Variants in ELAVL2 observed in about 807,000 individuals in gnomAD.
The protein encoded by ELAVL2 is ELAV-like protein 2.
A neutral mutation model predicts 34.6 loss-of-function variants in ELAVL2; 4 were observed. That is an observed-to-expected ratio of 0.12 (90% CI 0.06 to 0.26). The LOEUF (loss-of-function observed/expected upper bound fraction) is 0.26, where lower values mean the gene tolerates loss of function less well. Ranked by LOEUF, ELAVL2 falls within the 10% of genes least tolerant of loss-of-function variation. The pLI, the probability that ELAVL2 is intolerant of heterozygous loss-of-function variation, is 1.00. For synonymous variants in ELAVL2, 193 were observed against 154.8 expected, an observed-to-expected ratio of 1.25 and a Z score of -1.83; for missense variants, 432 against 442.8, an observed-to-expected ratio of 0.98 and a Z score of 0.22.
At chr9:23,789,913 G>A (rs1223618514) in intron 1 of ELAVL2, among the ~76,000 whole-genome samples, 3 of 152,098 alleles carry the variant, frequency 2.0e-5, no homozygotes, top group African/African-American at 2.4e-5. Context: ...TTTCCTGAAT[G>A]TATACAGGTA....
At chr9:23,785,812 T>C (rs549986243) in intron 1 of ELAVL2, among the ~76,000 whole-genome samples, 3 of 152,218 alleles carry the variant, frequency 2.0e-5, no homozygotes, top group Non-Finnish European at 4.4e-5. Flanking sequence ...ATGGGAAAAG[T>C]AGTTGATCGG....
At chr9:23,765,730 C>G (rs1006126271) in intron 1 of ELAVL2, among the ~76,000 whole-genome samples, 1 of 152,142 alleles carries the variant, frequency 6.6e-6, no homozygotes, top group Non-Finnish European at 1.5e-5. Context: ...AGGCAGTAAA[C>G]CAGCATCTTT....
At chr9:23,794,356 G>GA (rs567973059) in intron 1 of ELAVL2, among the ~76,000 whole-genome samples, 371 of 152,266 alleles carry the variant, frequency 2.4e-3, no homozygotes, top group Non-Finnish European at 3.9e-3. Context: ...CTAAAGAGGG[G>GA]AAAAGAACCA....
chr9:23,758,183 G>A (rs2054029575), intron 2 of ELAVL2, among the ~76,000 whole-genome samples: 1 of 152,022 alleles, frequency 6.6e-6, no homozygotes, highest in South Asian at 2.1e-4. Flanking sequence ...TACGTACTGA[G>A]AAACTGCACA....
In ELAVL2 at chr9:23,786,802, A is replaced by AAAAAAAAAAAAAAAAAC. The variant is rs1554747169; in HGVS notation, c.-15-24554_-15-24553insGTTTTTTTTTTTTTTTT. On this transcript the variant is annotated intron_variant, in intron 1 of 6. Transcript: ENST00000397312. The stretch of plus-strand genomic sequence containing the variant: ...GTGGCAAAAAAAAAAAAAAAAAAAA[A>AAAAAAAAAAAAAAAAAC]AGAGAGAGAGAGAAAGGAAAGCCTT... Among the ~76,000 whole-genome samples, 347 of 127,276 alleles carry AAAAAAAAAAAAAAAAAC rather than the reference A, an allele frequency of 2.7e-3. 5 individuals carry two copies. Among genetic ancestry groups the AAAAAAAAAAAAAAAAAC allele is most frequent in the East Asian group, 6.5e-3 (27 of 4,140 alleles). 83.5% of individuals were successfully genotyped at this position (127,276 alleles called of 152,430 possible).
intron 1 of ELAVL2, chr9:23,821,483 G>A (rs1168150731): frequency 6.6e-6 from 1 of 152,170 alleles, no homozygotes; most frequent in Non-Finnish European, 1.5e-5. Context: ...TTCGGACTAG[G>A]GCGCACCACC....
the ELAVL2 span, among the ~76,000 whole-genome samples, chr9:23,838,856 A>T: frequency 6.6e-6 from 1 of 152,150 alleles, no homozygotes; most frequent in African/African-American, 2.4e-5. Flanking sequence ...ATTGAACAAA[A>T]ACTGGCTTCC....
intron 1 of ELAVL2, among the ~76,000 whole-genome samples, chr9:23,797,597 C>T (rs995957370): frequency 6.6e-6 from 1 of 152,070 alleles, no homozygotes; most frequent in Non-Finnish European, 1.5e-5. Context: ...ACCAGGTGTA[C>T]GATTTAGGTT....
intron 1 of ELAVL2, among the ~76,000 whole-genome samples, chr9:23,815,013 T>TA (rs1396347004): frequency 1.3e-5 from 2 of 152,102 alleles, no homozygotes; most frequent in African/African-American, 4.8e-5. Context: ...TCCAATAACT[T>TA]ACTTGACAGG....
the ELAVL2 span, among the ~76,000 whole-genome samples, chr9:23,837,417 C>A: frequency 3.6e-4 from 55 of 152,280 alleles, no homozygotes; most frequent in Non-Finnish European, 7.1e-4. Flanking sequence ...TCTGACTAAA[C>A]TTCATGATTC....
At chr9:23,718,928 C>T (rs572461314) in intron 3 of ELAVL2, among the ~76,000 whole-genome samples, 1 of 152,264 alleles carries the variant, frequency 6.6e-6, no homozygotes, top group Admixed American at 6.5e-5. Flanking sequence ...CCCCTAACAG[C>T]TTTAACAAAA....
rs185921403 is a variant in ELAVL2 at position 23,719,217 on chromosome 9, C to G, written c.333+11805G>C. ...TTTAATTACACTGAATGATTTGGTA[C>G]CAGGCCCTTTCCCTGGGTCTTGCTG... On this transcript the variant is annotated intron_variant, in intron 3 of 6. Coordinates refer to ENST00000397312, the MANE Select transcript of ELAVL2 (RefSeq NM_004432.5). 7.1e-4 allele frequency among the ~76,000 whole-genome samples: 108 copies of G among 152,280 alleles called. 5 individuals are homozygous for G. Among genetic ancestry groups the G allele is most frequent in the African/African-American group, 2.5e-3 (105 of 41,560 alleles).
chr9:23,783,828 A>G (rs146817446), intron 1 of ELAVL2, among the ~76,000 whole-genome samples: 48 of 152,326 alleles, frequency 3.2e-4, no homozygotes, highest in African/African-American at 1.1e-3. Context: ...GAGAAAAGCC[A>G]TGTGCACTAG....
At chr9:23,692,956 G>A (rs771857773) in intron 6 of ELAVL2, 72 bp from the exon 7 acceptor site, 104 of 1,382,810 alleles carry the variant, frequency 7.5e-5, no homozygotes, top group African/African-American at 1.7e-4. Flanking sequence ...AGCAATGAAC[G>A]TATACCTTTT....
chr9:23,720,461 C>G (rs1173635032), intron 3 of ELAVL2, among the ~76,000 whole-genome samples: 1 of 152,148 alleles, frequency 6.6e-6, no homozygotes, highest in East Asian at 1.9e-4. Flanking sequence ...ACCACTGTGC[C>G]TGGCCAAGAC....
chr9:23,813,682 A>C (rs938914854), intron 1 of ELAVL2, among the ~76,000 whole-genome samples: 1 of 152,196 alleles, frequency 6.6e-6, no homozygotes, highest in African/African-American at 2.4e-5. Flanking sequence ...AAGCTGAGAG[A>C]AGCTCATTTT....
At chr9:23,749,889 C>T (rs2051462452) in intron 2 of ELAVL2, among the ~76,000 whole-genome samples, 1 of 151,990 alleles carries the variant, frequency 6.6e-6, no homozygotes, top group Non-Finnish European at 1.5e-5. Context: ...CTCACCCTTC[C>T]TCCTTTGGTG....
intron 1 of ELAVL2, among the ~76,000 whole-genome samples, chr9:23,814,275 A>G (rs887432268): frequency 6.6e-6 from 1 of 152,176 alleles, no homozygotes; most frequent in East Asian, 1.9e-4. Context: ...AGTAAAATGT[A>G]ACAAAGTGCA....
At chr9:23,728,997 T>C (rs1183477368) in intron 3 of ELAVL2, among the ~76,000 whole-genome samples, 3 of 152,178 alleles carry the variant, frequency 2.0e-5, no homozygotes, top group Non-Finnish European at 4.4e-5. Flanking sequence ...AGCTTTACTG[T>C]GCTTTCTTCC....
Sources: gnomAD v4.1 joint callset for allele counts (sites outside exome capture counted in the v4.1 genomes callset) on GRCh38, gnomAD v4.1.1 for gene constraint, MANE v1.5 for transcripts, NCBI Gene and HGNC (gene_info 2026-07-23, HGNC 2026-07-21) for gene names.